The following DIAPH2 variants were observed in gnomAD, a reference collection of about 807,000 sequenced individuals.
DIAPH2 encodes diaphanous related formin 2.
A neutral mutation model predicts 92.7 loss-of-function variants in DIAPH2; 35 were observed. That is an observed-to-expected ratio of 0.38 (90% confidence interval 0.29 to 0.50). DIAPH2 has a LOEUF of 0.50. Ranked by LOEUF, DIAPH2 falls within the 20% of genes least tolerant of loss-of-function variation. The probability of loss-of-function intolerance (pLI) is 0.94; values close to 1 mark genes in which losing one functional copy is unlikely to be tolerated. For synonymous variants in DIAPH2, 301 were observed against 280.4 expected (o/e 1.07, Z -0.73); for missense variants, 701 against 819.5 (o/e 0.86, Z 1.77).
chrX:97,004,488 C>G (rs997589517), intron 17 of DIAPH2, among the ~76,000 whole-genome samples: 1 of 111,436 alleles, frequency 9.0e-6, no homozygotes, highest in Non-Finnish European at 1.9e-5. Flanking sequence ...TTTCCTTCAT[C>G]GATCTTTTAG....
Position 97,476,917 on chromosome X carries a change from C to T in DIAPH2, c.3241+47172C>T, listed in dbSNP as rs775871330. 4.9e-4 allele frequency among the ~76,000 whole-genome samples: 41 copies of T among 83,458 alleles called. 1 individual carries two copies. The highest frequency in any genetic ancestry group is 4.4e-3 in the Admixed American group (29 of 6,525). The allele number at this position is 83,458 out of a possible 115,157, so 72.5% of individuals were successfully genotyped here. A position where few individuals can be genotyped will look rare whatever the true frequency, so the allele number is the denominator to read the frequency against. The stretch of plus-strand genomic sequence containing the variant: ...CGAGATTGCGCCATTGCACTCCAGC[C>T]TGGGCAACAAGAGCAAAACTCTGTC... On this transcript the variant is annotated intron_variant, in intron 26 of 26. Transcript: ENST00000324765.
At position 96,970,195 on chromosome X, in the gene DIAPH2, T is replaced by G. The variant is rs145608131; in HGVS notation, c.2050+4988T>G. Among the ~76,000 whole-genome samples the G allele has an allele frequency of 5.9e-3, 660 of 111,187 alleles. 11 individuals are homozygous for G. The highest frequency in any genetic ancestry group is 0.02 in the African/African-American group (626 of 30,605). ...GCAGTTTTCATGTTCTGTTGTTTCTTTGCCAGGTTTTGCTATCAGGGTGAT... is the reference window on the plus strand; with the variant it reads ...GCAGTTTTCATGTTCTGTTGTTTCTGTGCCAGGTTTTGCTATCAGGGTGAT... On this transcript the variant is annotated intron_variant, in intron 17 of 26. Transcript: ENST00000324765.
At chrX:97,574,883 A>G (rs1250537459) in intron 26 of DIAPH2, among the ~76,000 whole-genome samples, 1 of 112,032 alleles carries the variant, frequency 8.9e-6, no homozygotes, top group East Asian at 2.8e-4. Context: ...GGGTGAGGCT[A>G]GAGACAGGAG....
chrX:97,302,227 A>AG (rs1359889820), intron 23 of DIAPH2, among the ~76,000 whole-genome samples: 1 of 93,034 alleles, frequency 1.1e-5, no homozygotes, highest in African/African-American at 3.8e-5. Context: ...AAAAAAAAAA[A>AG]AAAAAAGTAT....
At chrX:97,577,738 G>A (rs1203748672) in intron 26 of DIAPH2, among the ~76,000 whole-genome samples, 1 of 111,760 alleles carries the variant, frequency 8.9e-6, no homozygotes, top group African/African-American at 3.3e-5. Flanking sequence ...TGGATAGAGT[G>A]GGATCTGTGT....
At chrX:97,550,351 C>T (rs1354279166) in intron 26 of DIAPH2, among the ~76,000 whole-genome samples, 1 of 112,301 alleles carries the variant, frequency 8.9e-6, no homozygotes, top group African/African-American at 3.2e-5. Context: ...AAGAGCGAAA[C>T]TCTGTCTCAA....
At chrX:96,943,680 G>T (rs1161563798) in intron 13 of DIAPH2, among the ~76,000 whole-genome samples, 1 of 110,931 alleles carries the variant, frequency 9.0e-6, no homozygotes, top group Non-Finnish European at 1.9e-5. Flanking sequence ...GTATTTTATA[G>T]TTGAAAAATA....
intron 23 of DIAPH2, among the ~76,000 whole-genome samples, chrX:97,287,000 C>T (rs942433325): frequency 6.3e-5 from 7 of 111,741 alleles, no homozygotes; most frequent in Non-Finnish European, 1.3e-4. Context: ...GAATGTCTTT[C>T]AAAATCCTCT....
intron 3 of DIAPH2, among the ~76,000 whole-genome samples, chrX:96,750,732 A>G (rs1207473627): frequency 1.8e-5 from 2 of 112,940 alleles, no homozygotes; most frequent in Non-Finnish European, 3.7e-5. Context: ...TAAAAAGGTT[A>G]TATTTTTATC....
At chrX:97,471,033 G>A (rs1569405945) in intron 26 of DIAPH2, among the ~76,000 whole-genome samples, 1 of 111,923 alleles carries the variant, frequency 8.9e-6, no homozygotes, top group Admixed American at 9.5e-5. Flanking sequence ...GAAAATGGAG[G>A]TGTCGCTAGG....
At chrX:97,489,133 C>T (rs1048455398) in intron 26 of DIAPH2, among the ~76,000 whole-genome samples, 5 of 111,578 alleles carry the variant, frequency 4.5e-5, no homozygotes, top group Non-Finnish European at 7.5e-5. Flanking sequence ...TAGTTTTCGC[C>T]GTACAAGTCT....
chrX:97,023,500 C>A (rs923449394), intron 17 of DIAPH2, among the ~76,000 whole-genome samples: 1 of 111,323 alleles, frequency 9.0e-6, no homozygotes, highest in African/African-American at 3.3e-5. Context: ...AAAATCGAAG[C>A]GTAAAGAGCT....
At chrX:96,697,865 A>C in intron 1 of DIAPH2, among the ~76,000 whole-genome samples, 1 of 102,953 alleles carries the variant, frequency 9.7e-6, no homozygotes, top group Non-Finnish European at 1.9e-5. Flanking sequence ...CATTCGTTTT[A>C]GTGCCATTGT....
At chrX:96,948,869 C>A in intron 14 of DIAPH2, 66 bp from the exon 15 acceptor site, 2 of 643,495 alleles carry the variant, frequency 3.1e-6, no homozygotes, top group Non-Finnish European at 4.5e-6. Context: ...TTATTTAATA[C>A]ATAATGTTCT....
intron 1 of DIAPH2, among the ~76,000 whole-genome samples, chrX:96,718,456 C>T (rs189019302): frequency 1.1e-4 from 11 of 98,418 alleles, no homozygotes; most frequent in Non-Finnish European, 5.9e-5. Context: ...CACGTTCAAG[C>T]GATTCTCCTG....
chrX:97,131,625 A>C (rs1379109954), intron 21 of DIAPH2, among the ~76,000 whole-genome samples: 1 of 112,212 alleles, frequency 8.9e-6, no homozygotes, highest in Admixed American at 9.5e-5. Flanking sequence ...TCATGACAAT[A>C]AAAGTTAAAA....
intron 4 of DIAPH2, among the ~76,000 whole-genome samples, chrX:96,827,929 C>T (rs916743397): frequency 4.5e-5 from 5 of 111,113 alleles, no homozygotes; most frequent in African/African-American, 1.6e-4. Flanking sequence ...CTACCTCGCC[C>T]GGCTAATTTT....
chrX:96,990,611 G>A (rs1191633566), intron 17 of DIAPH2, among the ~76,000 whole-genome samples: 4 of 110,576 alleles, frequency 3.6e-5, no homozygotes, highest in Admixed American at 9.7e-5. Flanking sequence ...TAATAGTTAC[G>A]CATATTTTGG....
chrX:97,265,341 C>T (rs903248523), intron 23 of DIAPH2, among the ~76,000 whole-genome samples: 5 of 111,669 alleles, frequency 4.5e-5, no homozygotes, highest in Admixed American at 2.9e-4. Flanking sequence ...TCCTATGTGC[C>T]GCTCAGTGTT....
Sources: gnomAD v4.1 joint callset for allele counts (sites outside exome capture counted in the v4.1 genomes callset) on GRCh38, gnomAD v4.1.1 for gene constraint, MANE v1.5 for transcripts, NCBI Gene and HGNC (gene_info 2026-07-23, HGNC 2026-07-21) for gene names.